The following PEMT variants were observed in gnomAD, a reference collection of about 807,000 sequenced individuals.
The protein encoded by PEMT is phosphatidylethanolamine N-methyltransferase, also known as phospholipid methyltransferase.
A neutral mutation model predicts 27.4 loss-of-function variants in PEMT; 23 were observed. The observed-to-expected ratio is 0.84, with a 90% CI of 0.60 to 1.19. The LOEUF is 1.19. Among genes scored for constraint, PEMT ranks in the 50% most tolerant of loss-of-function variants. The probability of loss-of-function intolerance (pLI) is 0.00; values close to 1 mark genes in which losing one functional copy is unlikely to be tolerated. For synonymous variants in PEMT, 137 were observed against 139.1 expected (o/e 0.98, Z 0.11); for missense variants, 307 against 310.1 (o/e 0.99, Z 0.07).
chr17:17,565,018 C>CGCCT (rs1465461102), intron 2 of PEMT, among the ~76,000 whole-genome samples: 3 of 152,230 alleles, frequency 2.0e-5, no homozygotes, highest in Non-Finnish European at 4.4e-5. Context: ...CAGAGCCCTG[C>CGCCT]GCCTGCCTGC....
chr17:17,579,293 C>T (rs1597963045), intron 1 of PEMT, among the ~76,000 whole-genome samples: 1 of 152,360 alleles, frequency 6.6e-6, no homozygotes, highest in African/African-American at 2.4e-5. Flanking sequence ...TGCCATCCTT[C>T]CCACGTGTGG....
At chr17:17,578,173 A>T (rs1567750058) in intron 1 of PEMT, among the ~76,000 whole-genome samples, 1 of 145,410 alleles carries the variant, frequency 6.9e-6, no homozygotes, top group Non-Finnish European at 1.5e-5. Flanking sequence ...AGATTTTACA[A>T]TTTTTTTTTT....
chr17:17,591,931 T>TA, upstream of PEMT: 1 of 985,394 alleles, frequency 1.0e-6, no homozygotes, highest in Non-Finnish European at 1.2e-6. Flanking sequence ...CCAGTGCCTT[T>TA]GGTCGCCGGC....
chr17:17,547,656 C>T (rs1346975796), intron 2 of PEMT, among the ~76,000 whole-genome samples: 3 of 150,916 alleles, frequency 2.0e-5, no homozygotes, highest in African/African-American at 7.4e-5. Context: ...CCCTCCTCTT[C>T]CTCCTCCTCC....
chr17:17,546,775 A>G (rs1395622639), intron 2 of PEMT, among the ~76,000 whole-genome samples: 1 of 152,284 alleles, frequency 6.6e-6, no homozygotes, highest in Non-Finnish European at 1.5e-5. Context: ...GAAGCAGGCC[A>G]GGAAATCCCA....
chr17:17,586,275 AG>A (rs1567759423), intron 1 of PEMT, among the ~76,000 whole-genome samples: 1,306 of 116,206 alleles, frequency 0.011, 51 homozygotes, highest in Non-Finnish European at 0.015. Flanking sequence ...AAAGAAAGAA[AG>A]AAAGAAAGAA....
chr17:17,551,152 A>C (rs1000580659), intron 2 of PEMT, among the ~76,000 whole-genome samples: 1 of 152,202 alleles, frequency 6.6e-6, no homozygotes, highest in African/African-American at 2.4e-5. Flanking sequence ...TGGGACCGTA[A>C]TCCTCGACTG....
intron 1 of PEMT, among the ~76,000 whole-genome samples, chr17:17,590,384 C>T (rs2142771125): frequency 6.6e-6 from 1 of 152,352 alleles, no homozygotes; most frequent in East Asian, 1.9e-4. Flanking sequence ...GCCCCACTGA[C>T]TGACCTTTCG....
chr17:17,539,584 G>C (rs1908737980), intron 2 of PEMT, among the ~76,000 whole-genome samples: 2 of 152,204 alleles, frequency 1.3e-5, no homozygotes, highest in South Asian at 4.1e-4. Context: ...GTGTGTCCCT[G>C]CCCCAGCTGA....
At chr17:17,530,324 C>T (rs574639932) in intron 2 of PEMT, among the ~76,000 whole-genome samples, 1 of 152,274 alleles carries the variant, frequency 6.6e-6, no homozygotes, top group African/African-American at 2.4e-5. Context: ...GGTGAAACCC[C>T]GTCTCTACGA....
chr17:17,548,686 T>C (rs938289265), intron 2 of PEMT, among the ~76,000 whole-genome samples: 1 of 151,992 alleles, frequency 6.6e-6, no homozygotes, highest in Non-Finnish European at 1.5e-5. Context: ...GTAGCTGGGA[T>C]TACAGGCATG....
At chr17:17,569,829 C>T (rs1911065989) in intron 2 of PEMT, among the ~76,000 whole-genome samples, 2 of 152,328 alleles carry the variant, frequency 1.3e-5, no homozygotes, top group South Asian at 4.1e-4. Context: ...CCCATGCTGG[C>T]TCCCTCGGGA....
intron 2 of PEMT, among the ~76,000 whole-genome samples, chr17:17,551,412 G>C (rs1909643833): frequency 6.6e-6 from 1 of 152,254 alleles, no homozygotes; most frequent in Non-Finnish European, 1.5e-5. Context: ...ACACACGGTG[G>C]TGAGCTGGAG....
At chr17:17,550,357 G>C (rs1407322675) in intron 2 of PEMT, among the ~76,000 whole-genome samples, 1 of 152,208 alleles carries the variant, frequency 6.6e-6, no homozygotes, top group Non-Finnish European at 1.5e-5. Flanking sequence ...TTTGAAACAA[G>C]AGTCCATTTG....
rs1288891242 is a variant in PEMT, at chr17:17,506,371, G to A, written c.579-70C>T. The A allele has an allele frequency of 8.1e-6, 10 of 1,228,580 alleles. No individual in the cohort carries two copies. In the Admixed American group the frequency reaches 2.0e-4, roughly 25 times the overall value. 76.1% of individuals were successfully genotyped at this position (1,228,580 alleles called of 1,614,324 possible). A position where few individuals can be genotyped will look rare whatever the true frequency, so the allele number is the denominator to read the frequency against. ...CTCAGGGCCACGGCCCACCTGCCCAGGCTGGCCCTTCCTGCCGTGACCCTG... is the reference window on the plus strand; with the variant it reads ...CTCAGGGCCACGGCCCACCTGCCCAAGCTGGCCCTTCCTGCCGTGACCCTG... On this transcript the variant is annotated intron_variant, in intron 5 of 6. Coordinates refer to ENST00000255389, the MANE Select transcript of PEMT (RefSeq NM_148172.3).
chr17:17,555,644 G>T (rs1413760482), intron 2 of PEMT, among the ~76,000 whole-genome samples: 1 of 152,150 alleles, frequency 6.6e-6, no homozygotes, highest in Non-Finnish European at 1.5e-5. Flanking sequence ...GGTGGCCTGG[G>T]CTCCCCTGAA....
At chr17:17,563,241 T>A (rs1910612166) in intron 2 of PEMT, among the ~76,000 whole-genome samples, 1 of 152,068 alleles carries the variant, frequency 6.6e-6, no homozygotes, top group Admixed American at 6.5e-5. Context: ...TAACAGCACC[T>A]CCACCTCCCA....
rs963721542 is a variant in PEMT at position 17,508,797 on chromosome 17, C to A, written c.578+637G>T. The A allele has an allele frequency of 6.4e-6, 3 of 465,284 alleles. No individual in the cohort carries two copies. In the Admixed American group the frequency reaches 7.2e-5, roughly 11 times the overall value. The allele number at this position is 465,284 out of a possible 1,614,324, so 28.8% of individuals were successfully genotyped here. ...CAGCAGTTCTAGGCTTCCCTCATGG[C>A]ACGGGGCCCCCTCTGTGGGAAGGGG... On this transcript the variant is annotated intron_variant, in intron 5 of 6. Transcript: ENST00000255389.
chr17:17,591,478 G>T, intron 1 of PEMT, 53 bp downstream of exon 1: 1 of 1,427,934 alleles, frequency 7.0e-7, no homozygotes. Flanking sequence ...CACGCCCCTC[G>T]GGCCTTGCAG....
Sources: allele counts gnomAD v4.1 joint callset (sites outside exome capture counted in the v4.1 genomes callset), GRCh38; gene constraint gnomAD v4.1.1; transcripts MANE v1.5; gene names NCBI Gene and HGNC (gene_info 2026-07-23, HGNC 2026-07-21).